SUCO: variants seen among roughly 807,000 people sequenced by gnomAD.
The protein encoded by SUCO is SUN domain containing ossification factor.
SUCO carries 57 observed loss-of-function variants against 148.1 expected under a neutral mutation model. The observed-to-expected ratio is 0.38, with a 90% CI of 0.31 to 0.48. The LOEUF is 0.48. Ranked by LOEUF, SUCO falls within the 20% of genes least tolerant of loss-of-function variation. The probability of loss-of-function intolerance (pLI) is 0.96; values close to 1 mark genes in which losing one functional copy is unlikely to be tolerated. For missense variants in SUCO, 1,331 were observed against 1,468.2 expected (o/e 0.91, Z 1.53); for synonymous variants, 470 against 502.7 (o/e 0.93, Z 0.87).
intron 19 of SUCO, among the ~76,000 whole-genome samples, chr1:172,598,907 A>G (rs188026214): frequency 6.6e-6 from 1 of 152,312 alleles, no homozygotes; most frequent in Admixed American, 6.5e-5. Flanking sequence ...TAAGGGAAGT[A>G]AGTGAAATAT....
chr1:172,565,364 C>G (rs1312015892), intron 6 of SUCO, among the ~76,000 whole-genome samples: 4 of 152,148 alleles, frequency 2.6e-5, no homozygotes, highest in Non-Finnish European at 5.9e-5. Context: ...GAAGGAGTTG[C>G]AACTCGCTGT....
intron 17 of SUCO, chr1:172,588,186 G>A (rs1242133978): frequency 2.0e-6 from 2 of 985,164 alleles, no homozygotes; most frequent in Non-Finnish European, 2.4e-6. Context: ...TGTGCGTTGT[G>A]TGTTTAATGC....
chr1:172,565,002 A>G (rs940518512), intron 6 of SUCO, among the ~76,000 whole-genome samples: 2 of 152,196 alleles, frequency 1.3e-5, no homozygotes, highest in African/African-American at 2.4e-5. Flanking sequence ...ATAGATGAGA[A>G]TCATTTTACC....
chr1:172,595,682 C>T lies in SUCO; in HGVS notation c.2914-4382C>T, dbSNP rs566944269. 3.8e-3 allele frequency among the ~76,000 whole-genome samples: 579 copies of T among 152,238 alleles called. 8 individuals are homozygous for T. Among genetic ancestry groups the T allele is most frequent in the African/African-American group, 0.013 (559 of 41,548 alleles). ...GATGGGCTTCCCTTTGTGGGTAACCCGACCTTTCTCTCTGGCTGCCCTTAA... is the reference window on the plus strand; with the variant it reads ...GATGGGCTTCCCTTTGTGGGTAACCTGACCTTTCTCTCTGGCTGCCCTTAA... On this transcript the variant is annotated intron_variant, in intron 19 of 23. Coordinates refer to ENST00000263688, the MANE Select transcript of SUCO (RefSeq NM_014283.5).
At chr1:172,566,428 G>A (rs1170102549) in intron 6 of SUCO, among the ~76,000 whole-genome samples, 2 of 152,116 alleles carry the variant, frequency 1.3e-5, no homozygotes, top group African/African-American at 4.8e-5. Context: ...ATCCCTTCGT[G>A]GTCACCAGAT....
intron 6 of SUCO, among the ~76,000 whole-genome samples, chr1:172,563,637 A>G (rs1253078316): frequency 6.6e-6 from 1 of 152,234 alleles, no homozygotes. Context: ...ACTGGAACTT[A>G]TATTTAAAAC....
At chr1:172,590,907 A>G in intron 18 of SUCO, 77 bp from the exon 19 acceptor site, 2 of 1,019,670 alleles carry the variant, frequency 2.0e-6, no homozygotes, top group Non-Finnish European at 3.0e-6. Flanking sequence ...CATATATCAA[A>G]ATCAGAAGTA....
intron 6 of SUCO, among the ~76,000 whole-genome samples, chr1:172,567,248 C>T (rs1392857350): frequency 6.6e-6 from 1 of 152,200 alleles, no homozygotes; most frequent in Non-Finnish European, 1.5e-5. Context: ...AGTTTCCTAT[C>T]TAATAGATTT....
At chr1:172,572,045 C>G (rs75298556) in intron 9 of SUCO, among the ~76,000 whole-genome samples, 7 of 45,266 alleles carry the variant, frequency 1.5e-4, no homozygotes, top group Non-Finnish European at 3.2e-4. Context: ...GTCAGCCCCC[C>G]GCCCGGCCAG....
chr1:172,536,976 A>G (rs1261933654), intron 1 of SUCO, among the ~76,000 whole-genome samples: 1 of 152,168 alleles, frequency 6.6e-6, no homozygotes, highest in African/African-American at 2.4e-5. Context: ...ATTTAATCAC[A>G]TCTGCAAAAT....
At chr1:172,587,479 T>A (rs909161596) in intron 17 of SUCO, among the ~76,000 whole-genome samples, 4 of 152,092 alleles carry the variant, frequency 2.6e-5, no homozygotes, top group African/African-American at 4.8e-5. Flanking sequence ...AATTTTTCTC[T>A]CTCCCCTTCT....
At chr1:172,597,088 A>ATG (rs1657161113) in intron 19 of SUCO, among the ~76,000 whole-genome samples, 2 of 152,108 alleles carry the variant, frequency 1.3e-5, no homozygotes, top group Non-Finnish European at 2.9e-5. Context: ...CCTCCGAGCC[A>ATG]TGCACGGGAT....
intron 22 of SUCO, chr1:172,603,073 A>AG (rs1657637486): frequency 3.6e-6 from 1 of 280,742 alleles, no homozygotes; most frequent in African/African-American, 2.2e-5. Context: ...GGGATGTTTG[A>AG]GAAAGTTCAA....
chr1:172,573,351 C>CT (rs1655187725), intron 9 of SUCO, among the ~76,000 whole-genome samples: 3 of 152,024 alleles, frequency 2.0e-5, no homozygotes, highest in Admixed American at 2.0e-4. Context: ...ATTTCATTGT[C>CT]TGGATGAACC....
At chr1:172,591,851 C>T (rs893716183) in intron 19 of SUCO, among the ~76,000 whole-genome samples, 4 of 152,168 alleles carry the variant, frequency 2.6e-5, no homozygotes, top group Admixed American at 2.0e-4. Context: ...TGAGGAATCG[C>T]CACACTGTCT....
chr1:172,581,068 C>T (rs557681938), intron 15 of SUCO, among the ~76,000 whole-genome samples: 2 of 152,256 alleles, frequency 1.3e-5, no homozygotes, highest in South Asian at 4.1e-4. Flanking sequence ...CCACTGCACT[C>T]CAGCCTGGGG....
At chr1:172,535,251 G>GTT (rs1205507549) in intron 1 of SUCO, among the ~76,000 whole-genome samples, 1 of 152,178 alleles carries the variant, frequency 6.6e-6, no homozygotes, top group Non-Finnish European at 1.5e-5. Flanking sequence ...GATGTGGAGA[G>GTT]TTTAAGAGTG....
chr1:172,549,515 G>C (rs1214837743), intron 1 of SUCO, among the ~76,000 whole-genome samples: 2 of 151,930 alleles, frequency 1.3e-5, no homozygotes, highest in Non-Finnish European at 2.9e-5. Flanking sequence ...ATAAAAAGCT[G>C]TCATTGCAAG....
intron 1 of SUCO, among the ~76,000 whole-genome samples, chr1:172,549,616 A>G (rs1300467168): frequency 6.6e-6 from 1 of 151,992 alleles, no homozygotes; most frequent in East Asian, 1.9e-4. Context: ...CCCTTGGCAC[A>G]ATAAAGAATG....
Sources: allele counts gnomAD v4.1 joint callset (sites outside exome capture counted in the v4.1 genomes callset), GRCh38; gene constraint gnomAD v4.1.1; transcripts MANE v1.5; gene names NCBI Gene and HGNC (gene_info 2026-07-23, HGNC 2026-07-21).